The following MGST1 variants were observed in gnomAD, a reference collection of about 807,000 sequenced individuals.
The protein encoded by MGST1 is glutathione S-transferase 12.
In MGST1, 5 loss-of-function variants were observed where a neutral mutation model predicts 8.9. The ratio of observed to expected loss-of-function variants is 0.56; its 90% confidence interval spans 0.29 to 1.19. The LOEUF (loss-of-function observed/expected upper bound fraction) is 1.19. MGST1 is among the 50% of genes most tolerant of loss of function. MGST1 has a pLI of 0.08. For missense variants in MGST1, 182 were observed against 187.4 expected, an observed-to-expected ratio of 0.97 and a Z score of 0.17; for synonymous variants, 54 against 67.8, an observed-to-expected ratio of 0.80 and a Z score of 1.00.
intron 4 of MGST1, among the ~76,000 whole-genome samples, chr12:16,580,581 T>C (rs1306877133): frequency 6.6e-6 from 1 of 152,192 alleles, no homozygotes; most frequent in East Asian, 1.9e-4. Flanking sequence ...GGTAGTAGAT[T>C]ATATAAAATT....
At chr12:16,430,378 G>A (rs1940927079) in intron 1 of MGST1, among the ~76,000 whole-genome samples, 1 of 152,130 alleles carries the variant, frequency 6.6e-6, no homozygotes, top group African/African-American at 2.4e-5. Flanking sequence ...TTTTCTAGAA[G>A]GTTTTCAATT....
At chr12:16,468,337 A>T (rs1941267796) in intron 4 of MGST1, among the ~76,000 whole-genome samples, 1 of 152,174 alleles carries the variant, frequency 6.6e-6, no homozygotes, top group Non-Finnish European at 1.5e-5. Flanking sequence ...AATTTTTCAA[A>T]CATAGAAATT....
chr12:16,403,689 C>T (rs1376420455), intron 1 of MGST1, among the ~76,000 whole-genome samples: 2 of 152,082 alleles, frequency 1.3e-5, no homozygotes, highest in Admixed American at 6.5e-5. Context: ...TTAATTGACT[C>T]ACAGTTCAGC....
intron 4 of MGST1, among the ~76,000 whole-genome samples, chr12:16,484,030 C>T (rs1014293694): frequency 6.6e-6 from 1 of 152,118 alleles, no homozygotes; most frequent in Non-Finnish European, 1.5e-5. Flanking sequence ...AAATTAGAGA[C>T]CAATAACAGA....
chr12:16,530,599 G>T (rs1041346760), intron 4 of MGST1, among the ~76,000 whole-genome samples: 1 of 152,164 alleles, frequency 6.6e-6, no homozygotes, highest in African/African-American at 2.4e-5. Context: ...GTTTATGGAG[G>T]GGGTGAAGGC....
intron 4 of MGST1, among the ~76,000 whole-genome samples, chr12:16,565,353 T>C (rs992299608): frequency 6.6e-6 from 1 of 152,224 alleles, no homozygotes; most frequent in African/African-American, 2.4e-5. Context: ...TCTCATCTAC[T>C]TTCTTCTTTT....
chr12:16,451,591 T>TA (rs1565457359), intron 4 of MGST1, among the ~76,000 whole-genome samples: 1 of 151,830 alleles, frequency 6.6e-6, no homozygotes, highest in African/African-American at 2.4e-5. Context: ...ATGAATTTTT[T>TA]AAAAAAGAAA....
downstream of MGST1, among the ~76,000 whole-genome samples, chr12:16,589,851 C>T (rs1943435975): frequency 6.6e-6 from 1 of 152,014 alleles, no homozygotes; most frequent in Admixed American, 6.6e-5. The surrounding 1 kb of genome is among the most constrained non-coding windows in gnomAD (Gnocchi z 4.2). Context: ...AGAAAAAAGC[C>T]CCCAAGATGC....
chr12:16,494,165 G>T (rs1941456154), intron 4 of MGST1, among the ~76,000 whole-genome samples: 1 of 152,054 alleles, frequency 6.6e-6, no homozygotes, highest in African/African-American at 2.4e-5. Context: ...GAGAAGTATT[G>T]CATCCTTGAT....
At chr12:16,427,608 C>G (rs1940901475) in intron 1 of MGST1, among the ~76,000 whole-genome samples, 2 of 152,162 alleles carry the variant, frequency 1.3e-5, no homozygotes, top group African/African-American at 4.8e-5. Context: ...TCTCGAACTT[C>G]TGGCCTCAAG....
intron 3 of MGST1, among the ~76,000 whole-genome samples, chr12:16,359,216 C>T (rs1368520594): frequency 1.3e-5 from 2 of 152,112 alleles, no homozygotes; most frequent in Non-Finnish European, 1.5e-5. Context: ...CAGAATATGC[C>T]CCGTACCTGT....
chr12:16,442,397 G>T (rs1313121613), downstream of MGST1, among the ~76,000 whole-genome samples: 1 of 151,780 alleles, frequency 6.6e-6, no homozygotes, highest in African/African-American at 2.4e-5. The surrounding 1 kb of genome is among the most constrained non-coding windows in gnomAD (Gnocchi z 4.5). Flanking sequence ...GATACCCAAG[G>T]TCATCTAGAT....
chr12:16,359,694 G>T (rs1273863813), intron 3 of MGST1, among the ~76,000 whole-genome samples: 1 of 152,172 alleles, frequency 6.6e-6, no homozygotes, highest in Non-Finnish European at 1.5e-5. Context: ...GGTCCTTTAT[G>T]CACTTCCCCT....
intron 1 of MGST1, among the ~76,000 whole-genome samples, chr12:16,392,065 T>A (rs2137053094): frequency 6.6e-6 from 1 of 152,188 alleles, no homozygotes; most frequent in East Asian, 1.9e-4. Flanking sequence ...GTGTGTGGCC[T>A]TTTTTCTGGG....
At chr12:16,434,677 T>C (rs569563004) in intron 1 of MGST1, among the ~76,000 whole-genome samples, 1 of 152,168 alleles carries the variant, frequency 6.6e-6, no homozygotes, top group East Asian at 1.9e-4. Flanking sequence ...TTTTCTTTTT[T>C]TTATTTTTCA....
At chr12:16,438,022 G>T (rs572614722) in exon 2 of MGST1, 1 of 151,988 alleles carries the variant, frequency 6.6e-6, no homozygotes, top group South Asian at 2.1e-4. Context: ...TTAAAAAAAA[G>T]CTTTTGCCTG....
intron 4 of MGST1, among the ~76,000 whole-genome samples, chr12:16,554,596 C>A (rs1942116481): frequency 6.6e-6 from 1 of 152,186 alleles, no homozygotes; most frequent in South Asian, 2.1e-4. Flanking sequence ...TGACACTACC[C>A]ACACCCCAAA....
chr12:16,462,484 T>C (rs1201754125), intron 4 of MGST1, among the ~76,000 whole-genome samples: 2 of 152,074 alleles, frequency 1.3e-5, no homozygotes, highest in African/African-American at 2.4e-5. Context: ...TAAGTCTTTA[T>C]GAAACCCATC....
exon 4 of MGST1, chr12:16,376,308 CA>C (rs2137032402): frequency 2.1e-6 from 1 of 479,380 alleles, no homozygotes; most frequent in Admixed American, 3.9e-5. Flanking sequence ...CGGCTGTTAA[CA>C]ACACAAAAAG....
Sources: allele counts gnomAD v4.1 joint callset (sites outside exome capture counted in the v4.1 genomes callset), GRCh38; gene constraint gnomAD v4.1.1; non-coding constraint Gnocchi (gnomAD v3.1); transcripts MANE v1.5; gene names NCBI Gene and HGNC (gene_info 2026-07-23, HGNC 2026-07-21).